TMEM38B: variants seen among roughly 807,000 people sequenced by gnomAD.
The protein encoded by TMEM38B is transmembrane protein 38B, also known as trimeric intracellular cation channel type B.
Under a neutral mutation model 28.7 loss-of-function variants are expected in TMEM38B, and 24 were observed. The observed-to-expected ratio is 0.84, with a 90% CI of 0.61 to 1.18. The LOEUF (loss-of-function observed/expected upper bound fraction) is 1.18, where lower values mean the gene tolerates loss of function less well. Among genes scored for constraint, TMEM38B ranks in the 50% most tolerant of loss-of-function variants. The pLI is 0.00. For synonymous variants in TMEM38B, 131 were observed against 127.7 expected (o/e 1.03, Z -0.17); for missense variants, 380 against 350.9 (o/e 1.08, Z -0.66).
At position 105,694,640 on chromosome 9, in the gene TMEM38B, T is replaced by C; in HGVS notation, c.-21T>C. 1 of 1,600,788 alleles carries C rather than the reference T, an allele frequency of 6.2e-7. No individual in the cohort carries two copies. ...GAACCAGTAGCCGCGGCTGCTTCGGTTGCCGCGGTCGGTGGTCGTTATGGA... is the reference window on the plus strand; with the variant it reads ...GAACCAGTAGCCGCGGCTGCTTCGGCTGCCGCGGTCGGTGGTCGTTATGGA... On this transcript the variant is annotated 5_prime_UTR_variant, in exon 1 of 6. Coordinates refer to ENST00000374692, the MANE Select transcript of TMEM38B (RefSeq NM_018112.3).
At chr9:105,764,825 C>T (rs1323735681) in intron 5 of TMEM38B, among the ~76,000 whole-genome samples, 1 of 151,624 alleles carries the variant, frequency 6.6e-6, no homozygotes, top group Non-Finnish European at 1.5e-5. Flanking sequence ...TACCTGACTT[C>T]AAACTATACT....
intron 4 of TMEM38B, among the ~76,000 whole-genome samples, chr9:105,740,269 T>G (rs540922689): frequency 0.011 from 1,631 of 151,002 alleles, 26 homozygotes; most frequent in African/African-American, 0.038. Context: ...TGTTTTTTTT[T>G]TTTTTTTTTG....
At chr9:105,749,368 A>C (rs1056531895) in intron 5 of TMEM38B, 1 of 193,746 alleles carries the variant, frequency 5.2e-6, no homozygotes, top group Non-Finnish European at 1.1e-5. Context: ...GCAAAGGCAC[A>C]TCTTACATGG....
Position 105,775,113 on chromosome 9 carries a change from A to G in TMEM38B, c.*1033A>G, listed in dbSNP as rs533420902. On this transcript the variant is annotated 3_prime_UTR_variant, in exon 6 of 6. Transcript: ENST00000374692. Reference sequence around the variant, plus strand: ...TTTCGTATGGTTTTGTTATATTTTCATCTACATGTAATGTGTTATTAATTT... The same window carrying G: ...TTTCGTATGGTTTTGTTATATTTTCGTCTACATGTAATGTGTTATTAATTT... 1.1e-3 allele frequency: 166 copies of G among 152,148 alleles called. No individual in the cohort carries two copies. The highest frequency in any genetic ancestry group is 3.9e-3 in the African/African-American group (161 of 41,550). 9.4% of individuals were successfully genotyped at this position (152,148 alleles called of 1,614,324 possible). A position where few individuals can be genotyped will look rare whatever the true frequency, so the allele number is the denominator to read the frequency against.
At position 105,721,649 on chromosome 9, in the gene TMEM38B, G is replaced by A. The variant is rs779947095; in HGVS notation, c.382G>A (p.Gly128Ser). 31 of 1,613,552 alleles carry A rather than the reference G, an allele frequency of 1.9e-5. No homozygotes were observed. The highest frequency in any genetic ancestry group is 2.5e-5 in the Non-Finnish European group (30 of 1,179,604). The change falls in exon 3 of 6, where the codon GGT becomes AGT. Residue 128 changes from glycine (G) to serine (S), a missense_variant. Coordinates refer to ENST00000374692, the MANE Select transcript of TMEM38B (RefSeq NM_018112.3). ...AGTGACCAGAACTTGGAAAATAGTA[G>A]GTGGAGTCACACATGCTAATAGCTA... is the stretch of plus-strand genomic sequence containing the variant. ...KEVTRTWKIVGGVTHANSYYK... is the reference protein window; with the variant it reads ...KEVTRTWKIVSGVTHANSYYK...
chr9:105,718,978 A>G (rs1836217159), intron 2 of TMEM38B, among the ~76,000 whole-genome samples: 1 of 152,234 alleles, frequency 6.6e-6, no homozygotes, highest in Admixed American at 6.5e-5. Context: ...CAAAGCTGTC[A>G]TACTGGACTA....
chr9:105,726,292 T>C (rs1836510007), intron 4 of TMEM38B, among the ~76,000 whole-genome samples: 1 of 152,218 alleles, frequency 6.6e-6, no homozygotes, highest in African/African-American at 2.4e-5. Flanking sequence ...TTTGAAGCTT[T>C]CGTAGTAACA....
chr9:105,742,928 A>C (rs1321786430), intron 4 of TMEM38B, among the ~76,000 whole-genome samples: 1 of 152,168 alleles, frequency 6.6e-6, no homozygotes, highest in Non-Finnish European at 1.5e-5. Flanking sequence ...GAATGTTGTA[A>C]AACTTTTTTT....
chr9:105,718,123 G>A (rs1293105053), intron 2 of TMEM38B, among the ~76,000 whole-genome samples: 1 of 151,956 alleles, frequency 6.6e-6, no homozygotes, highest in African/African-American at 2.4e-5. Context: ...TGTTACCTTT[G>A]TCTTCAGAGA....
intron 5 of TMEM38B, among the ~76,000 whole-genome samples, chr9:105,754,736 A>G (rs1837774005): frequency 6.6e-6 from 1 of 152,192 alleles, no homozygotes; most frequent in Non-Finnish European, 1.5e-5. Flanking sequence ...CCAAGAGGAA[A>G]CCCCAAAGCT....
chr9:105,740,434 T>G (rs1307732447), intron 4 of TMEM38B, among the ~76,000 whole-genome samples: 2 of 151,842 alleles, frequency 1.3e-5, no homozygotes, highest in Non-Finnish European at 2.9e-5. Context: ...GCCCAGCTAA[T>G]TTTTGTGTTT....
chr9:105,749,359 C>A, intron 5 of TMEM38B: 1 of 190,298 alleles, frequency 5.3e-6, no homozygotes, highest in Non-Finnish European at 1.1e-5. Flanking sequence ...GGAGGAGGAG[C>A]AAAGGCACAT....
intron 5 of TMEM38B, among the ~76,000 whole-genome samples, chr9:105,752,300 C>T (rs574281368): frequency 1.3e-4 from 20 of 152,180 alleles, no homozygotes; most frequent in Non-Finnish European, 2.6e-4. Context: ...TCCCCCAGTG[C>T]AGCACACCTC....
At chr9:105,745,084 A>G (rs1362526147) in intron 4 of TMEM38B, among the ~76,000 whole-genome samples, 1 of 152,176 alleles carries the variant, frequency 6.6e-6, no homozygotes, top group East Asian at 1.9e-4. Flanking sequence ...ATGATTTATA[A>G]TCCTTTGAGT....
At chr9:105,772,199 T>C (rs1564422003) in intron 5 of TMEM38B, among the ~76,000 whole-genome samples, 1 of 152,224 alleles carries the variant, frequency 6.6e-6, no homozygotes, top group African/African-American at 2.4e-5. Context: ...CAGCTATTGC[T>C]GTCTGCTAGG....
rs762905679 is a variant in TMEM38B, at chr9:105,774,132, T to A, written c.*52T>A. 5.5e-6 allele frequency: 8 copies of A among 1,454,634 alleles called. 2 individuals carry two copies. The South Asian group carries it at 9.6e-5, about 18-fold the overall frequency. 90.1% of individuals were successfully genotyped at this position (1,454,634 alleles called of 1,614,324 possible). Reference sequence around the variant, plus strand: ...AAAAATTTTTTTTCTTATCTACCTGTTATATTGTGCTAATTTTTCTATGTA... The same window carrying A: ...AAAAATTTTTTTTCTTATCTACCTGATATATTGTGCTAATTTTTCTATGTA... On this transcript the variant is annotated 3_prime_UTR_variant, in exon 6 of 6. Transcript: ENST00000374692.
rs896431710 is a variant in TMEM38B at position 105,740,971 on chromosome 9, T to C, written c.543-7102T>C. Among the ~76,000 whole-genome samples, 4 of 138,790 alleles carry C rather than the reference T, an allele frequency of 2.9e-5. No homozygotes were observed. In the East Asian group the frequency reaches 1.0e-3, roughly 36 times the overall value. 91.1% of individuals were successfully genotyped at this position (138,790 alleles called of 152,430 possible). Reference sequence around the variant, plus strand: ...TCTGGAACCTGAAATGTTACCGATATGGGAACATGTTCTTTGCATATCTGC... The same window carrying C: ...TCTGGAACCTGAAATGTTACCGATACGGGAACATGTTCTTTGCATATCTGC... On this transcript the variant is annotated intron_variant, in intron 4 of 5. Transcript: ENST00000374692.
chr9:105,773,843 A>C (rs200806277), intron 5 of TMEM38B, 22 bp from the exon 6 acceptor site: 3 of 1,589,366 alleles, frequency 1.9e-6, no homozygotes, highest in East Asian at 4.5e-5. Context: ...TTTAAATTCA[A>C]AATTAAACTT....
At chr9:105,733,865 C>T (rs553029830) in intron 4 of TMEM38B, among the ~76,000 whole-genome samples, 11 of 151,958 alleles carry the variant, frequency 7.2e-5, no homozygotes, top group South Asian at 2.1e-4. Flanking sequence ...TTTTGCTGAG[C>T]GTAGCTAAGC....
Sources: gnomAD v4.1 joint callset for allele counts (sites outside exome capture counted in the v4.1 genomes callset) on GRCh38, gnomAD v4.1.1 for gene constraint, MANE v1.5 for transcripts, NCBI Gene and HGNC (gene_info 2026-07-23, HGNC 2026-07-21) for gene names.